Variants in RASSF3 observed in about 807,000 individuals in gnomAD.
RASSF3 encodes the protein ras association domain-containing protein 3.
Under a neutral mutation model 19.9 loss-of-function variants are expected in RASSF3, and 19 were observed. That is an observed-to-expected ratio of 0.96 (90% CI 0.67 to 1.40). The LOEUF is 1.40. Ranked by LOEUF, RASSF3 falls within the 40% of genes most tolerant of loss-of-function variation. The pLI, the probability that RASSF3 is intolerant of heterozygous loss-of-function variation, is 0.00. For missense variants in RASSF3, 306 were observed against 289.8 expected (o/e 1.06, Z -0.41); for synonymous variants, 110 against 104.2 (o/e 1.06, Z -0.34).
chr12:64,603,458 T>G (rs1870131016), intron 2 of RASSF3, among the ~76,000 whole-genome samples: 1 of 152,210 alleles, frequency 6.6e-6, no homozygotes, highest in South Asian at 2.1e-4. Context: ...CACAAAATAT[T>G]TCAGCTCATT....
intron 1 of RASSF3, among the ~76,000 whole-genome samples, chr12:64,616,027 C>G (rs138685623): frequency 1.1e-4 from 16 of 152,294 alleles, no homozygotes; most frequent in African/African-American, 3.6e-4. Context: ...GGGGCATAAA[C>G]ATTTTCACCA....
intron 2 of RASSF3, among the ~76,000 whole-genome samples, chr12:64,586,922 CAAAAAAA>C (rs1026212728): frequency 6.7e-6 from 1 of 149,796 alleles, no homozygotes; most frequent in African/African-American, 2.5e-5. Flanking sequence ...AACTCCATCT[CAAAAAAA>C]AGAAAAAAGA....
chr12:64,617,581 G>T (rs1043820814), intron 1 of RASSF3, among the ~76,000 whole-genome samples: 1 of 152,076 alleles, frequency 6.6e-6, no homozygotes, highest in Admixed American at 6.6e-5. Flanking sequence ...TGGTTGAGAC[G>T]GAGTCTTGCT....
chr12:64,574,464 C>G (rs1038786134), intron 2 of RASSF3, among the ~76,000 whole-genome samples: 1 of 152,108 alleles, frequency 6.6e-6, no homozygotes, highest in African/African-American at 2.4e-5. Flanking sequence ...TCCTGTTTCA[C>G]ACCTTTTGCT....
At position 64,684,116 on chromosome 12, in the gene RASSF3, G is replaced by A. The variant is rs548515827; in HGVS notation, c.112-671G>A. 5.6e-5 allele frequency among the ~76,000 whole-genome samples: 8 copies of A among 143,994 alleles called. No individual in the cohort carries two copies. The South Asian group carries it at 1.8e-3, about 32-fold the overall frequency. The allele number at this position is 143,994 out of a possible 152,430, so 94.5% of individuals were successfully genotyped here. On this transcript the variant is annotated intron_variant, in intron 1 of 4. Transcript: ENST00000542104. ...TTTTTTTTTTTTTTGAGACAGGGTC[G>A]CACTCTGTCACCCAGGCTAGAGCAT... is the stretch of plus-strand genomic sequence containing the variant.
chr12:64,549,691 C>T (rs940880354), intron 2 of RASSF3, among the ~76,000 whole-genome samples: 2 of 152,206 alleles, frequency 1.3e-5, no homozygotes, highest in African/African-American at 2.4e-5. Context: ...CAGCAGCCAG[C>T]ACAGCCTCTC....
intron 2 of RASSF3, among the ~76,000 whole-genome samples, chr12:64,591,568 A>G (rs894788351): frequency 1.3e-5 from 2 of 152,084 alleles, no homozygotes; most frequent in Non-Finnish European, 2.9e-5. Flanking sequence ...TGTTTTGTCC[A>G]TTCTTTTTTT....
Position 64,583,354 on chromosome 12 carries a change from G to A in RASSF3, c.294+41649G>A, listed in dbSNP as rs1267991545. 2.0e-5 allele frequency among the ~76,000 whole-genome samples: 3 copies of A among 152,318 alleles called. No homozygotes were observed. In the East Asian group the frequency reaches 5.8e-4, roughly 29 times the overall value. ...GTTTCATACAAAAGCAAAGTCAGTG[G>A]CTCACGCCTGTAATCCCAGCACTTT... On this transcript the variant is annotated intron_variant, in intron 2 of 5. Coordinates refer to the RASSF3 transcript ENST00000637125.
chr12:64,644,805 G>T (rs1378800568), intron 1 of RASSF3, among the ~76,000 whole-genome samples: 1 of 152,138 alleles, frequency 6.6e-6, no homozygotes, highest in Non-Finnish European at 1.5e-5. Flanking sequence ...TGTTTATCCT[G>T]TTACTTCCAG....
intron 2 of RASSF3, among the ~76,000 whole-genome samples, chr12:64,571,694 C>T: frequency 6.6e-6 from 1 of 152,152 alleles, no homozygotes. Context: ...AATTATCTCC[C>T]TATCGTAAAA....
chr12:64,522,890 T>C (rs1868508163), intron 1 of RASSF3, among the ~76,000 whole-genome samples: 1 of 152,084 alleles, frequency 6.6e-6, no homozygotes, highest in Non-Finnish European at 1.5e-5. Flanking sequence ...TTCATTTCCA[T>C]TCCTCTCCCA....
At chr12:64,624,596 C>T (rs1191356920) in intron 1 of RASSF3, among the ~76,000 whole-genome samples, 1 of 151,500 alleles carries the variant, frequency 6.6e-6, no homozygotes, top group Non-Finnish European at 1.5e-5. Flanking sequence ...CTCTTTGAGC[C>T]TCAGTTTCCT....
intron 1 of RASSF3, among the ~76,000 whole-genome samples, chr12:64,661,535 C>T (rs1244878): frequency 0.28 from 43,149 of 151,814 alleles, 6,643 homozygotes; most frequent in Non-Finnish European, 0.36. Flanking sequence ...CTCACACAAC[C>T]CTGTTTGTTC....
In RASSF3 at chr12:64,696,907, T is replaced by C. The variant is rs1868383383; in HGVS notation, c.*1995T>C. The C allele has an allele frequency of 6.6e-6, 1 of 152,092 alleles. No individual in the cohort carries two copies. Among genetic ancestry groups the C allele is most frequent in the Non-Finnish European group, 1.5e-5 (1 of 68,034 alleles). The allele number at this position is 152,092 out of a possible 1,614,324, so 9.4% of individuals were successfully genotyped here. On this transcript the variant is annotated 3_prime_UTR_variant, in exon 5 of 5. Coordinates refer to ENST00000542104, the MANE Select transcript of RASSF3 (RefSeq NM_178169.4). ...CCTTCGTGATTTTTTGTACTGGTTT[T>C]ATTATTCAGACTATGGCCTGGATTT...
intron 4 of RASSF3, among the ~76,000 whole-genome samples, chr12:64,694,328 G>A (rs767358833): frequency 2.0e-5 from 3 of 152,278 alleles, no homozygotes; most frequent in South Asian, 2.1e-4. Context: ...GGGCCGTACC[G>A]AGGGAGAAAA....
At chr12:64,641,287 T>G (rs1467655524) in intron 1 of RASSF3, among the ~76,000 whole-genome samples, 1 of 151,684 alleles carries the variant, frequency 6.6e-6, no homozygotes, top group Non-Finnish European at 1.5e-5. Context: ...TCCCAGCAAC[T>G]CAGGAGGCTG....
At chr12:64,595,196 T>C (rs768952233) in intron 2 of RASSF3, among the ~76,000 whole-genome samples, 1 of 150,758 alleles carries the variant, frequency 6.6e-6, no homozygotes, top group Non-Finnish European at 1.5e-5. Context: ...GCCTCCTGAG[T>C]AGCTAGGACT....
downstream of RASSF3, among the ~76,000 whole-genome samples, chr12:64,541,999 C>A (rs543274781): frequency 6.6e-6 from 1 of 152,200 alleles, no homozygotes; most frequent in African/African-American, 2.4e-5. Flanking sequence ...AGGATGCAAT[C>A]TTGTTAACAG....
At chr12:64,590,065 CAAAA>C (rs10578124) in intron 2 of RASSF3, among the ~76,000 whole-genome samples, 141 of 133,428 alleles carry the variant, frequency 1.1e-3, no homozygotes, top group Non-Finnish European at 1.3e-3. Context: ...ACTCTTATCT[CAAAA>C]AAAAAAAAAA....
Sources: allele counts gnomAD v4.1 joint callset (sites outside exome capture counted in the v4.1 genomes callset), GRCh38; gene constraint gnomAD v4.1.1; transcripts MANE v1.5; gene names NCBI Gene and HGNC (gene_info 2026-07-23, HGNC 2026-07-21).